The following SLC1A5 variants were observed in gnomAD, a reference collection of about 807,000 sequenced individuals.
SLC1A5 encodes neutral amino acid transporter B(0).
In SLC1A5, 25 loss-of-function variants were observed where a neutral mutation model predicts 34.9. The ratio of observed to expected loss-of-function variants is 0.72; its 90% CI spans 0.52 to 1.00. The LOEUF (loss-of-function observed/expected upper bound fraction) is 1.00. Among genes scored for constraint, SLC1A5 ranks in the 50% least tolerant of loss-of-function variants. SLC1A5 has a pLI of 0.00. For missense variants in SLC1A5, 637 were observed against 740.0 expected, an observed-to-expected ratio of 0.86 and a Z score of 1.61; for synonymous variants, 351 against 341.2, an observed-to-expected ratio of 1.03 and a Z score of -0.32.
rs755201747 is a variant in SLC1A5, at chr19:46,776,964, C to T, written c.1388+11G>A. ...CCCTGGCCCTGCCCCAGTCTCCAGACCCACACTCACACTAGCCAGTCCACA... is the reference window on the plus strand; with the variant it reads ...CCCTGGCCCTGCCCCAGTCTCCAGATCCACACTCACACTAGCCAGTCCACA... On this transcript the variant is annotated intron_variant, in intron 7 of 7. Transcript: ENST00000542575. 4 of 1,612,612 alleles carry T rather than the reference C, an allele frequency of 2.5e-6. No homozygotes were observed. Among genetic ancestry groups the T allele is most frequent in the Non-Finnish European group, 3.4e-6 (4 of 1,179,272 alleles).
At chr19:46,784,872 C>T in intron 1 of SLC1A5, 1 of 1,369,444 alleles carries the variant, frequency 7.3e-7, no homozygotes, top group Non-Finnish European at 9.4e-7. Context: ...CTCAGCTCCA[C>T]CCCATGCAGC....
In SLC1A5 at chr19:46,782,369, C is replaced by CCG; in HGVS notation, c.824+13_824+14insCG. 1 of 1,223,904 alleles carries CCG rather than the reference C, an allele frequency of 8.2e-7. No homozygotes were observed. The highest frequency in any genetic ancestry group is 1.2e-6 in the Non-Finnish European group (1 of 862,586). The allele number at this position is 1,223,904 out of a possible 1,614,324, so 75.8% of individuals were successfully genotyped here. On this transcript the variant is annotated intron_variant, in intron 4 of 7. Coordinates refer to ENST00000542575, the MANE Select transcript of SLC1A5 (RefSeq NM_005628.3). The stretch of plus-strand genomic sequence containing the variant: ...CAACCCCACCCACCCCCAGCCTCCT[C>CCG]TCCCACCACCTACCACATGATCCAG...
Position 46,782,461 on chromosome 19 carries a change from C to A in SLC1A5, c.746G>T (p.Gly249Val), listed in dbSNP as rs1396106140. ...GCGGATAAGCAGCTCCCCTTCAGGCCCCAGCTTCCGCAGCGCCACACCAAA... is the reference window on the plus strand; with the variant it reads ...GCGGATAAGCAGCTCCCCTTCAGGCACCAGCTTCCGCAGCGCCACACCAAA... ...IVFGVALRKLGPEGELLIRFF... is the reference protein window; with the variant it reads ...IVFGVALRKLVPEGELLIRFF... The change falls in exon 4 of 8, where the codon GGG (glycine) becomes GTG (valine). Residue 249 changes from glycine to valine, a missense_variant. Gly to Val is a moderately radical substitution (Grantham distance 109). Coordinates refer to ENST00000542575, the MANE Select transcript of SLC1A5 (RefSeq NM_005628.3). 6.2e-7 allele frequency: 1 copy of A among 1,613,872 alleles called. No homozygotes were observed. Among genetic ancestry groups the A allele is most frequent in the Non-Finnish European group, 8.5e-7 (1 of 1,180,032 alleles).
At chr19:46,782,344 C>CCA in intron 4 of SLC1A5, 39 bp downstream of exon 4, 4 of 617,108 alleles carry the variant, frequency 6.5e-6, no homozygotes, top group Non-Finnish European at 1.2e-5. Flanking sequence ...ACCGACCCTC[C>CCA]AACCCCACCC....
chr19:46,783,435 C>T (rs2122695000), intron 3 of SLC1A5, among the ~76,000 whole-genome samples: 1 of 145,024 alleles, frequency 6.9e-6, no homozygotes, highest in East Asian at 2.0e-4. Context: ...CATTGCATTC[C>T]AGCCTGGACA....
intron 7 of SLC1A5, 21 bp downstream of exon 7, chr19:46,776,954 A>G (rs780177447): frequency 1.1e-4 from 173 of 1,609,426 alleles, no homozygotes; most frequent in Non-Finnish European, 1.4e-4. Flanking sequence ...GCCCTGCCCC[A>G]GTCTCCAGAC....
chr19:46,779,662 T>C (rs1015158357), intron 4 of SLC1A5, among the ~76,000 whole-genome samples: 3 of 151,784 alleles, frequency 2.0e-5, no homozygotes, highest in Non-Finnish European at 4.4e-5. Flanking sequence ...CTTTAGGAGG[T>C]GAAAGCAGGA....
At position 46,777,110 on chromosome 19, in the gene SLC1A5, C is replaced by A; in HGVS notation, c.1254-1G>T. 1 of 1,613,454 alleles carries A rather than the reference C, an allele frequency of 6.2e-7. No individual in the cohort carries two copies. Among genetic ancestry groups the A allele is most frequent in the South Asian group, 1.1e-5 (1 of 91,064 alleles). On this transcript the variant is annotated splice_acceptor_variant, in intron 6 of 7. Coordinates refer to ENST00000542575, the MANE Select transcript of SLC1A5 (RefSeq NM_005628.3). LOFTEE classifies it high-confidence loss of function. ...CACGCTGGACGCTGTGGCCGTGACC[C>A]TGAGGGAGAAGGTGGGAGGTTAGGC...
Position 46,787,867 on chromosome 19 carries a change from C to A in SLC1A5, c.99G>T (p.Ala33=), listed in dbSNP as rs763034336. ...LALASIEDQG[A]AAGGYCGSRD... Reference sequence around the variant, plus strand: ...GGGAACCGCAGTAGCCGCCTGCTGCCGCGCCTTGGTCCTCGATGGAGGCCA... The same window carrying A: ...GGGAACCGCAGTAGCCGCCTGCTGCAGCGCCTTGGTCCTCGATGGAGGCCA... Residue 33 remains alanine, a synonymous_variant, in exon 1 of 8, where the codon GCG becomes GCT. Transcript: ENST00000542575. The surrounding 1 kb of genome is among the most constrained non-coding windows in gnomAD (Gnocchi z 5.2). 1 of 1,559,820 alleles carries A rather than the reference C, an allele frequency of 6.4e-7. No homozygotes were observed.
chr19:46,782,607 T>C (rs1212890914), intron 3 of SLC1A5, 58 bp from the exon 4 acceptor site: 1 of 1,596,264 alleles, frequency 6.3e-7, no homozygotes, highest in Non-Finnish European at 8.6e-7. Context: ...GCACAGTCAC[T>C]GAGGGCCTGT....
chr19:46,782,567 A>G lies in SLC1A5; in HGVS notation c.658-18T>C. On this transcript the variant is annotated intron_variant, in intron 3 of 7. Coordinates refer to ENST00000542575, the MANE Select transcript of SLC1A5 (RefSeq NM_005628.3). ...ACGGGCACCTGTGGGCAAGGAACAG[A>G]TCGGGGTGGAAAGGACACTCAGTCT... 1 of 1,613,428 alleles carries G rather than the reference A, an allele frequency of 6.2e-7. No individual in the cohort carries two copies. Among genetic ancestry groups the G allele is most frequent in the Non-Finnish European group, 8.5e-7 (1 of 1,179,778 alleles).
chr19:46,788,191 C>G lies in SLC1A5; in HGVS notation c.-226G>C, dbSNP rs2055200369. On this transcript the variant is annotated 5_prime_UTR_variant, in exon 1 of 8. Coordinates refer to ENST00000542575, the MANE Select transcript of SLC1A5 (RefSeq NM_005628.3). ...GGGCGCTGAGGCTTCTCTGCTCTGC[C>G]CCGTGTGCCAGATGTCCGAAAGCTG... 4.0e-6 allele frequency: 2 copies of G among 500,262 alleles called. No individual in the cohort carries two copies. Among genetic ancestry groups the G allele is most frequent in the Non-Finnish European group, 6.9e-6 (2 of 288,224 alleles). The allele number at this position is 500,262 out of a possible 1,614,324, so 31.0% of individuals were successfully genotyped here. A position where few individuals can be genotyped will look rare whatever the true frequency, so the allele number is the denominator to read the frequency against.
rs955252326 is a variant in SLC1A5 at position 46,780,549 on chromosome 19, T to A, written c.825-1641A>T. 5.2e-4 allele frequency among the ~76,000 whole-genome samples: 78 copies of A among 151,070 alleles called. 1 individual carries two copies. Among genetic ancestry groups the A allele is most frequent in the African/African-American group, 1.6e-3 (68 of 41,248 alleles). On this transcript the variant is annotated intron_variant, in intron 4 of 7. Transcript: ENST00000542575. Reference sequence around the variant, plus strand: ...TATTTGTATTTTTTTGTAGAGAGGGTTTTTCGCCATGTTGACCAGGCTAGT... The same window carrying A: ...TATTTGTATTTTTTTGTAGAGAGGGATTTTCGCCATGTTGACCAGGCTAGT...
At chr19:46,784,355 A>G (rs1469051480) in intron 2 of SLC1A5, among the ~76,000 whole-genome samples, 162 bp downstream of exon 2, 1 of 152,164 alleles carries the variant, frequency 6.6e-6, no homozygotes, top group Non-Finnish European at 1.5e-5. Flanking sequence ...ATTTACCCAG[A>G]GTCACACAGC....
At position 46,777,056 on chromosome 19, in the gene SLC1A5, ACACCTCCAGCAGGGATGCCCGCTGCCCC is replaced by A; in HGVS notation, c.1279_1306del (p.Gly427SerfsTer20). On this transcript the variant is annotated frameshift_variant, in exon 7 of 8. Coordinates refer to ENST00000542575, the MANE Select transcript of SLC1A5 (RefSeq NM_005628.3). LOFTEE classifies it high-confidence loss of function. ...TTCGAGGATGATGGCCAGAGTGAGG[ACACCTCCAGCAGGGATGCCCGCTGCCCC>A]CACGCTGGACGCTGTGGCCGTGACC... The A allele has an allele frequency of 1.2e-6, 2 of 1,614,010 alleles. No individual in the cohort carries two copies. Among genetic ancestry groups the A allele is most frequent in the Non-Finnish European group, 1.7e-6 (2 of 1,179,998 alleles).
intron 7 of SLC1A5, 138 bp from the exon 8 acceptor site, chr19:46,775,885 C>A: frequency 1.3e-6 from 1 of 796,718 alleles, no homozygotes. Flanking sequence ...TCAGCCTGGG[C>A]AACATAGTGA....
chr19:46,787,374 C>T lies in SLC1A5; in HGVS notation c.566+26G>A, dbSNP rs2055193638. 1.3e-6 allele frequency: 2 copies of T among 1,570,538 alleles called. No homozygotes were observed. Among genetic ancestry groups the T allele is most frequent in the East Asian group, 2.4e-5 (1 of 42,478 alleles). On this transcript the variant is annotated intron_variant, in intron 1 of 7. Transcript: ENST00000542575. This position sits in a 1 kb window ranked among gnomAD's most constrained non-coding sequence, Gnocchi z 5.2. Reference sequence around the variant, plus strand: ...TCCCGCCATCCGTAACACTCTTCCCCACCTCCCGGGGGAGCGGGAGCTGAC... The same window carrying T: ...TCCCGCCATCCGTAACACTCTTCCCTACCTCCCGGGGGAGCGGGAGCTGAC...
Position 46,787,876 on chromosome 19 carries a change from G to C in SLC1A5, c.90C>G (p.Asp30Glu). ...NGGLALASIE[D>E]QGAAAGGYCG... ...AGTAGCCGCCTGCTGCCGCGCCTTG[G>C]TCCTCGATGGAGGCCAGCGCCAGGC... The change falls in exon 1 of 8, where the codon GAC becomes GAG. Residue 30 changes from aspartate to glutamate, a missense_variant. Physicochemically the swap from Asp to Glu is conservative, Grantham distance 45 (BLOSUM62 2). Transcript: ENST00000542575. This position sits in a 1 kb window ranked among gnomAD's most constrained non-coding sequence, Gnocchi z 5.2. 1 of 1,564,086 alleles carries C rather than the reference G, an allele frequency of 6.4e-7. No homozygotes were observed. Among genetic ancestry groups the C allele is most frequent in the Non-Finnish European group, 8.7e-7 (1 of 1,155,362 alleles).
At position 46,787,378 on chromosome 19, in the gene SLC1A5, TC is replaced by T. The variant is rs2055193708; in HGVS notation, c.566+21del. 2 of 1,574,754 alleles carry T rather than the reference TC, an allele frequency of 1.3e-6. No homozygotes were observed. The highest frequency in any genetic ancestry group is 8.6e-7 in the Non-Finnish European group (1 of 1,161,164). Reference sequence around the variant, plus strand: ...GCCATCCGTAACACTCTTCCCCACCTCCCGGGGGAGCGGGAGCTGACCTCGC... The same window carrying T: ...GCCATCCGTAACACTCTTCCCCACCTCCGGGGGAGCGGGAGCTGACCTCGC... On this transcript the variant is annotated intron_variant, in intron 1 of 7. Transcript: ENST00000542575. This position sits in a 1 kb window ranked among gnomAD's most constrained non-coding sequence, Gnocchi z 5.2.
Sources: allele counts gnomAD v4.1 joint callset (sites outside exome capture counted in the v4.1 genomes callset), GRCh38; gene constraint gnomAD v4.1.1; non-coding constraint Gnocchi (gnomAD v3.1); transcripts MANE v1.5; gene names NCBI Gene and HGNC (gene_info 2026-07-23, HGNC 2026-07-21).